SMCHD1: variants seen among roughly 807,000 people sequenced by gnomAD.
SMCHD1 encodes the protein structural maintenance of chromosomes flexible hinge domain containing 1.
Under a neutral mutation model 254.7 loss-of-function variants are expected in SMCHD1, and 78 were observed. The observed-to-expected ratio is 0.31, with a 90% CI of 0.26 to 0.37. The LOEUF (loss-of-function observed/expected upper bound fraction) is 0.37. Ranked by LOEUF, SMCHD1 falls within the 10% of genes least tolerant of loss-of-function variation. The pLI, the probability that SMCHD1 is intolerant of heterozygous loss-of-function variation, is 1.00. For missense variants in SMCHD1, 1,840 were observed against 2,408.1 expected (o/e 0.76, Z 4.94); for synonymous variants, 766 against 794.9 (o/e 0.96, Z 0.61).
chr18:2,680,591 G>A, intron 5 of SMCHD1, among the ~76,000 whole-genome samples: 1 of 152,200 alleles, frequency 6.6e-6, no homozygotes, highest in Non-Finnish European at 1.5e-5. Context: ...CTCAAGGTAA[G>A]CTAGAGGTGA....
chr18:2,675,697 G>A (rs1285050546), intron 5 of SMCHD1, among the ~76,000 whole-genome samples: 1 of 152,156 alleles, frequency 6.6e-6, no homozygotes, highest in Non-Finnish European at 1.5e-5. Flanking sequence ...TATCACAGAA[G>A]TATTAGGTGG....
Position 2,748,380 on chromosome 18 carries a change from G to GTGTGTGTGTGTGTGTGTA in SMCHD1, c.3927+736_3927+737insGTGTGTGTGTGTGTATGT, listed in dbSNP as rs561439889. On this transcript the variant is annotated intron_variant, in intron 30 of 47. Transcript: ENST00000320876. Reference sequence around the variant, plus strand: ...TGTGTGTGTGTGTGTGTGTGTGTGTGTGTATATAAATTTTTTTTTTTTTTT... The same window carrying GTGTGTGTGTGTGTGTGTA: ...TGTGTGTGTGTGTGTGTGTGTGTGTGTGTGTGTGTGTGTGTGTATGTATATAAATTTTTTTTTTTTTTT... 1.0e-3 allele frequency among the ~76,000 whole-genome samples: 84 copies of GTGTGTGTGTGTGTGTGTA among 80,236 alleles called. 6 individuals are homozygous for GTGTGTGTGTGTGTGTGTA. The highest frequency in any genetic ancestry group is 5.4e-3 in the African/African-American group (79 of 14,548). 52.6% of individuals were successfully genotyped at this position (80,236 alleles called of 152,430 possible).
At chr18:2,708,867 CAT>C (rs763226355) in intron 17 of SMCHD1, among the ~76,000 whole-genome samples, 124 of 8,288 alleles carry the variant, frequency 0.015, 1 homozygote, top group South Asian at 0.033. Flanking sequence ...TCAATAACTT[CAT>C]ATATATATAT....
intron 34 of SMCHD1, among the ~76,000 whole-genome samples, chr18:2,758,910 T>C (rs773250120): frequency 1.2e-3 from 188 of 152,296 alleles, no homozygotes; most frequent in African/African-American, 4.3e-3. Context: ...CTTCAGTTTT[T>C]AAAAATTTTG....
At chr18:2,747,950 A>G (rs2075487680) in intron 30 of SMCHD1, among the ~76,000 whole-genome samples, 1 of 152,214 alleles carries the variant, frequency 6.6e-6, no homozygotes, top group South Asian at 2.1e-4. Flanking sequence ...AACACTGACA[A>G]AGTGAATGAA....
chr18:2,656,411 C>T, intron 1 of SMCHD1, 150 bp downstream of exon 1: 4 of 773,586 alleles, frequency 5.2e-6, no homozygotes, highest in Non-Finnish European at 7.2e-6. Flanking sequence ...CCGCCATGTC[C>T]GTGACCTGGT....
intron 44 of SMCHD1, among the ~76,000 whole-genome samples, chr18:2,782,877 T>C (rs1025358157): frequency 2.0e-5 from 3 of 150,546 alleles, no homozygotes; most frequent in East Asian, 2.0e-4. Flanking sequence ...AGAAAACATA[T>C]AAACCCAAAC....
intron 17 of SMCHD1, among the ~76,000 whole-genome samples, chr18:2,710,385 C>G (rs1461989925): frequency 6.6e-6 from 1 of 152,092 alleles, no homozygotes; most frequent in African/African-American, 2.4e-5. Flanking sequence ...CATGGAGATT[C>G]CCTATGAATG....
At chr18:2,656,346 A>G in intron 1 of SMCHD1, 85 bp downstream of exon 1, 5 of 1,229,714 alleles carry the variant, frequency 4.1e-6, no homozygotes, top group Non-Finnish European at 5.3e-6. Context: ...ACTGAGGGCA[A>G]TAAACCTGTC....
intron 37 of SMCHD1, among the ~76,000 whole-genome samples, chr18:2,766,016 CAG>C (rs35195522): frequency 0.28 from 30,930 of 112,196 alleles, 3,415 homozygotes; most frequent in South Asian, 0.46. Context: ...TTTTTGGAGA[CAG>C]AGTCTCACTG....
rs1301276619 is a variant in SMCHD1 at position 2,700,726 on chromosome 18, C to A, written c.1464-9C>A. On this transcript the variant is annotated splice_polypyrimidine_tract_variant and intron_variant, in intron 11 of 47. Coordinates refer to ENST00000320876, the MANE Select transcript of SMCHD1 (RefSeq NM_015295.3). ...TTCTTTTACTAACTAACATTTTGTT[C>A]TGTTCAAGCTTTGACTGGTGTACTC... 3 of 1,606,290 alleles carry A rather than the reference C, an allele frequency of 1.9e-6. No homozygotes were observed. The highest frequency in any genetic ancestry group is 2.5e-6 in the Non-Finnish European group (3 of 1,176,500).
At chr18:2,755,607 T>G (rs552986743) in intron 34 of SMCHD1, among the ~76,000 whole-genome samples, 5 of 140,216 alleles carry the variant, frequency 3.6e-5, no homozygotes, top group African/African-American at 8.0e-5. Flanking sequence ...TTGCTCTGTC[T>G]CCCAGGCTGG....
intron 3 of SMCHD1, among the ~76,000 whole-genome samples, chr18:2,668,079 C>T (rs1271147140): frequency 1.3e-5 from 2 of 152,062 alleles, no homozygotes; most frequent in East Asian, 3.8e-4. Flanking sequence ...GGAGTTTCAC[C>T]ATGTTGACCA....
chr18:2,770,681 G>A (rs1639783484), intron 39 of SMCHD1, among the ~76,000 whole-genome samples: 1 of 152,038 alleles, frequency 6.6e-6, no homozygotes, highest in Non-Finnish European at 1.5e-5. Context: ...GAGTGCAGTG[G>A]CACGATCTCA....
In SMCHD1 at chr18:2,740,736, T is replaced by G. The variant is rs1469819950; in HGVS notation, c.3548T>G (p.Ile1183Ser). 4.3e-6 allele frequency: 7 copies of G among 1,611,002 alleles called. No homozygotes were observed. The highest frequency in any genetic ancestry group is 5.9e-6 in the Non-Finnish European group (7 of 1,177,984). The change falls in exon 28 of 48, where the codon ATT becomes AGT. Residue 1183 changes from isoleucine to serine, a missense_variant. Physicochemically the swap from Ile to Ser is moderately radical, Grantham distance 142. Coordinates refer to ENST00000320876, the MANE Select transcript of SMCHD1 (RefSeq NM_015295.3). ...ATTACAGATCAGTACGGAAATCAGA[T>G]TCAAGCATTTTCACCAAGTTCTTTA... is the stretch of plus-strand genomic sequence containing the variant. ...IIITDQYGNQ[I>S]QAFSPSSLSS...
chr18:2,772,349 G>A lies in SMCHD1; in HGVS notation c.5152G>A (p.Gly1718Ser), dbSNP rs1262755337. 1 of 1,580,792 alleles carries A rather than the reference G, an allele frequency of 6.3e-7. No homozygotes were observed. Among genetic ancestry groups the A allele is most frequent in the Admixed American group, 1.9e-5 (1 of 53,080 alleles). The change falls in exon 41 of 48, where the codon GGC (glycine) becomes AGC (serine). Residue 1718 changes from glycine (G) to serine (S), a missense_variant. Gly to Ser is a moderately conservative substitution (Grantham distance 56). Coordinates refer to ENST00000320876, the MANE Select transcript of SMCHD1 (RefSeq NM_015295.3). The part of the protein sequence containing the change: ...RSCTLPNYTK[G>S]SGDVLGKIAH... ...GTGTACTCTTCCAAACTATACTAAA[G>A]GCAGTGGAGATGTTTTGGGAAAGGT...
At chr18:2,757,539 A>G (rs1231938217) in intron 34 of SMCHD1, among the ~76,000 whole-genome samples, 6 of 152,220 alleles carry the variant, frequency 3.9e-5, no homozygotes, top group African/African-American at 1.2e-4. Context: ...TCTAATTTTC[A>G]TTGTGATTTC....
chr18:2,773,818 G>A (rs945095600), intron 41 of SMCHD1, among the ~76,000 whole-genome samples: 1 of 152,126 alleles, frequency 6.6e-6, no homozygotes, highest in African/African-American at 2.4e-5. Flanking sequence ...AGCTACTCAG[G>A]AGGCTGAGGC....
chr18:2,782,764 A>AACAACAAC (rs1568380245), intron 44 of SMCHD1, among the ~76,000 whole-genome samples: 1 of 150,464 alleles, frequency 6.6e-6, no homozygotes, highest in Admixed American at 6.6e-5. Context: ...AAAAAAAAAA[A>AACAACAAC]AAAAAAAAGA....
Sources: gnomAD v4.1 joint callset for allele counts (sites outside exome capture counted in the v4.1 genomes callset) on GRCh38, gnomAD v4.1.1 for gene constraint, MANE v1.5 for transcripts, NCBI Gene and HGNC (gene_info 2026-07-23, HGNC 2026-07-21) for gene names.